LIPC: variants seen among roughly 807,000 people sequenced by gnomAD.
The protein encoded by LIPC is hepatic triacylglycerol lipase.
Under a neutral mutation model 50.7 loss-of-function variants are expected in LIPC, and 44 were observed. The observed-to-expected ratio is 0.87, with a 90% CI of 0.68 to 1.11. The LOEUF (loss-of-function observed/expected upper bound fraction) is 1.11, where lower values mean the gene tolerates loss of function less well. Among genes scored for constraint, LIPC ranks in the 50% most tolerant of loss-of-function variants. The pLI is 0.00. For missense variants in LIPC, 697 were observed against 648.2 expected (o/e 1.08, Z -0.82); for synonymous variants, 271 against 256.4 (o/e 1.06, Z -0.54).
chr15:58,516,162 TC>T (rs1892480875), intron 1 of LIPC, among the ~76,000 whole-genome samples: 1 of 151,402 alleles, frequency 6.6e-6, no homozygotes, highest in African/African-American at 2.4e-5. Flanking sequence ...CTGGTAGGCC[TC>T]GTTTCTGGGA....
chr15:58,565,524 G>T (rs1433958794), intron 8 of LIPC: 5 of 1,325,750 alleles, frequency 3.8e-6, no homozygotes, highest in Non-Finnish European at 4.8e-6. Flanking sequence ...TTGGTCTCAC[G>T]TGATCTTTGC....
At chr15:58,533,042 G>C in intron 1 of LIPC, 1 of 464,946 alleles carries the variant, frequency 2.2e-6, no homozygotes, top group Non-Finnish European at 2.8e-6. Context: ...CCTTTTCCTG[G>C]ATACAGGGGC....
intron 1 of LIPC, among the ~76,000 whole-genome samples, chr15:58,488,777 T>A (rs1891465851): frequency 6.6e-6 from 1 of 152,140 alleles, no homozygotes; most frequent in South Asian, 2.1e-4. Context: ...CCTTGGTATT[T>A]CCCTTTGGCA....
At chr15:58,436,813 G>A (rs997816432) in intron 1 of LIPC, 7 of 456,220 alleles carry the variant, frequency 1.5e-5, no homozygotes, top group South Asian at 3.1e-5. Flanking sequence ...GATGGTATCC[G>A]GACAGAAGAG....
At chr15:58,444,530 A>T (rs1182209980) in intron 1 of LIPC, among the ~76,000 whole-genome samples, 2 of 152,192 alleles carry the variant, frequency 1.3e-5, no homozygotes, top group Non-Finnish European at 2.9e-5. Context: ...GGAAGTGAGA[A>T]GTCTGAGGTC....
At chr15:58,542,469 T>G (rs1262810871) in intron 3 of LIPC, 65 bp from the exon 4 acceptor site, 1 of 1,050,910 alleles carries the variant, frequency 9.5e-7, no homozygotes, top group East Asian at 2.4e-5. Context: ...CACAACACAC[T>G]GGACCGCAAA....
At chr15:58,567,522 G>A (rs1894434744) in intron 8 of LIPC, among the ~76,000 whole-genome samples, 1 of 151,308 alleles carries the variant, frequency 6.6e-6, no homozygotes, top group East Asian at 1.9e-4. Flanking sequence ...TATGCACAAA[G>A]GCTATATATG....
chr15:58,565,865 C>T (rs929357929), intron 8 of LIPC: 30 of 979,982 alleles, frequency 3.1e-5, no homozygotes, highest in South Asian at 4.7e-5. Flanking sequence ...TTGTAAATAC[C>T]GAGTGCCTCC....
At chr15:58,549,767 A>T (rs1189049132) in intron 6 of LIPC, among the ~76,000 whole-genome samples, 4 of 152,186 alleles carry the variant, frequency 2.6e-5, no homozygotes, top group Non-Finnish European at 5.9e-5. Context: ...TCTGAAGAGT[A>T]GTTGGTGTGA....
chr15:58,555,079 C>T (rs1470855352), intron 6 of LIPC, among the ~76,000 whole-genome samples: 2 of 152,204 alleles, frequency 1.3e-5, no homozygotes, highest in African/African-American at 4.8e-5. Context: ...ATAGGCAATT[C>T]TCATTCATAG....
chr15:58,554,753 AAGG>A (rs1317443342), intron 6 of LIPC, among the ~76,000 whole-genome samples: 1 of 152,098 alleles, frequency 6.6e-6, no homozygotes, highest in African/African-American at 2.4e-5. Context: ...GAAGAAGAAG[AAGG>A]AGGAGGAGGA....
rs535989619 is a variant in LIPC at position 58,541,356 on chromosome 15, C to T, written c.274-429C>T. On this transcript the variant is annotated intron_variant, in intron 2 of 8. Transcript: ENST00000299022. ...TTAGGGGTGAGGTGGGGCAGCTGCA[C>T]GCAGAAGGAGGCGTACAAATGGCCC... Among the ~76,000 whole-genome samples the T allele has an allele frequency of 2.6e-5, 4 of 152,022 alleles. No homozygotes were observed. The East Asian group carries it at 5.8e-4, about 22-fold the overall frequency.
At chr15:58,548,307 G>C in intron 5 of LIPC, 23 bp from the exon 6 acceptor site, 1 of 1,613,858 alleles carries the variant, frequency 6.2e-7, no homozygotes. Context: ...GGGTGATAAC[G>C]TCCTTCTTGC....
chr15:58,447,147 CAAAAAAAAAAAA>C (rs34289431), intron 1 of LIPC, among the ~76,000 whole-genome samples: 1 of 62,336 alleles, frequency 1.6e-5, no homozygotes, highest in African/African-American at 5.8e-5. Flanking sequence ...GACTCCATCT[CAAAAAAAAAAAA>C]AAAAAAAAAA....
chr15:58,463,146 G>A (rs532357850), intron 1 of LIPC, among the ~76,000 whole-genome samples: 103 of 152,320 alleles, frequency 6.8e-4, no homozygotes, highest in Non-Finnish European at 1.1e-3. Flanking sequence ...TGCTTCTACC[G>A]CACACCTGCA....
At chr15:58,535,968 G>A (rs1169429530) in intron 1 of LIPC, among the ~76,000 whole-genome samples, 2 of 152,170 alleles carry the variant, frequency 1.3e-5, no homozygotes, top group African/African-American at 4.8e-5. Context: ...GATCTGGCAG[G>A]ACACCTCACC....
rs761212874 is a variant in LIPC, at chr15:58,541,808, G to C, written c.297G>C (p.Trp99Cys). 3 of 1,613,668 alleles carry C rather than the reference G, an allele frequency of 1.9e-6. No individual in the cohort carries two copies. The highest frequency in any genetic ancestry group is 2.5e-6 in the Non-Finnish European group (3 of 1,179,978). The change falls in exon 3 of 9, where the codon TGG (tryptophan) becomes TGC (cysteine). Residue 99 changes from tryptophan to cysteine, a missense_variant. By Grantham distance (215) the Trp-to-Cys change is radical. Coordinates refer to ENST00000299022, the MANE Select transcript of LIPC (RefSeq NM_000236.3). ...GWSVDGVLEN[W>C]IWQMVAALKS... Reference sequence around the variant, plus strand: ...AGGTGGACGGCGTGCTAGAAAACTGGATCTGGCAGATGGTGGCCGCGCTGA... The same window carrying C: ...AGGTGGACGGCGTGCTAGAAAACTGCATCTGGCAGATGGTGGCCGCGCTGA...
intron 1 of LIPC, among the ~76,000 whole-genome samples, chr15:58,439,654 G>C (rs1284506760): frequency 6.6e-6 from 1 of 152,176 alleles, no homozygotes; most frequent in Non-Finnish European, 1.5e-5. Flanking sequence ...ATGTTGGCCA[G>C]GCTGGTCTCG....
intron 1 of LIPC, among the ~76,000 whole-genome samples, chr15:58,461,998 C>T (rs1317610101): frequency 6.6e-6 from 1 of 151,700 alleles, no homozygotes; most frequent in Non-Finnish European, 1.5e-5. Flanking sequence ...TTTTCTCCCT[C>T]ATCCTCAGTC....
Sources: allele counts gnomAD v4.1 joint callset (sites outside exome capture counted in the v4.1 genomes callset), GRCh38; gene constraint gnomAD v4.1.1; transcripts MANE v1.5; gene names NCBI Gene and HGNC (gene_info 2026-07-23, HGNC 2026-07-21).